The following INTS4 variants were observed in gnomAD, a reference collection of about 807,000 sequenced individuals.
INTS4 encodes the protein MSTP093.
Under a neutral mutation model 119.5 loss-of-function variants are expected in INTS4, and 70 were observed. The ratio of observed to expected loss-of-function variants is 0.59; its 90% CI spans 0.48 to 0.71. The LOEUF is 0.71. Ranked by LOEUF, INTS4 falls within the 30% of genes least tolerant of loss-of-function variation. The pLI is 0.00. For synonymous variants in INTS4, 316 were observed against 419.6 expected (o/e 0.75, Z 3.02); for missense variants, 867 against 1,173.2 (o/e 0.74, Z 3.81).
chr11:77,993,036 GTAGT>G (rs1485682687), intron 1 of INTS4, among the ~76,000 whole-genome samples: 1 of 152,206 alleles, frequency 6.6e-6, no homozygotes, highest in African/African-American at 2.4e-5. Context: ...TATCGAAGCT[GTAGT>G]TAGGTCAAAA....
At chr11:77,955,888 A>T (rs1231620025) in intron 8 of INTS4, 54 bp downstream of exon 8, 1 of 1,520,674 alleles carries the variant, frequency 6.6e-7, no homozygotes, top group African/African-American at 1.4e-5. Flanking sequence ...ATTTCTACAG[A>T]AAAGAAAATA....
chr11:77,878,340 C>T (rs922562875), downstream of INTS4, among the ~76,000 whole-genome samples: 42 of 150,190 alleles, frequency 2.8e-4, no homozygotes, highest in African/African-American at 4.4e-4. Flanking sequence ...CCAGCCTGAG[C>T]GACACAGCAA....
intron 15 of INTS4, among the ~76,000 whole-genome samples, chr11:77,911,521 TCCCCTG>T (rs1953088121): frequency 1.3e-5 from 2 of 152,176 alleles, no homozygotes; most frequent in Admixed American, 6.5e-5. Context: ...GTTACTTTAT[TCCCCTG>T]CCCCGGAATT....
intron 18 of INTS4, among the ~76,000 whole-genome samples, chr11:77,894,725 A>G (rs529787205): frequency 1.6e-4 from 24 of 152,240 alleles, no homozygotes; most frequent in Non-Finnish European, 3.2e-4. Flanking sequence ...CTCTATACCT[A>G]CCTGATTTAG....
intron 8 of INTS4, among the ~76,000 whole-genome samples, chr11:77,948,989 G>GT (rs1482299953): frequency 3.9e-5 from 6 of 152,056 alleles, no homozygotes; most frequent in South Asian, 2.1e-4. Flanking sequence ...CTGGTTTTTA[G>GT]TTTTTTTTAG....
At chr11:77,904,882 T>C (rs1459449128) in intron 16 of INTS4, among the ~76,000 whole-genome samples, 8 of 152,226 alleles carry the variant, frequency 5.3e-5, no homozygotes, top group Admixed American at 4.6e-4. Context: ...CATGTTATTG[T>C]CTTTATTTGG....
rs1289687109 is a variant in INTS4 at position 77,961,113 on chromosome 11, A to G, written c.497T>C (p.Val166Ala). 1.1e-5 allele frequency: 17 copies of G among 1,605,054 alleles called. No individual in the cohort carries two copies. Among genetic ancestry groups the G allele is most frequent in the Non-Finnish European group, 1.4e-5 (17 of 1,176,478 alleles). Reference protein sequence around the residue: ...CKHLTDTSHGVRNKCLQLLGN... With the variant: ...CKHLTDTSHGARNKCLQLLGN... ...AAGTAACTGCAGGCACTTATTTCTT[A>G]CACCATGAGACGTATCTGTCAGATG... The change falls in exon 5 of 23, where the codon GTA becomes GCA. Residue 166 changes from valine (V) to alanine (A), a missense_variant. Around this residue, in one of 5 missense-constraint regions of INTS4, gnomAD observed 224 missense variants for 231.8 expected, o/e 0.97. Coordinates refer to ENST00000534064, the MANE Select transcript of INTS4 (RefSeq NM_033547.4).
intron 10 of INTS4, among the ~76,000 whole-genome samples, chr11:77,929,491 C>T (rs1953593596): frequency 6.6e-6 from 1 of 152,144 alleles, no homozygotes; most frequent in Admixed American, 6.6e-5. Flanking sequence ...GACCACAGTA[C>T]TTTTTAAAAA....
chr11:77,909,134 AT>A (rs1380249551), intron 15 of INTS4, among the ~76,000 whole-genome samples: 2 of 152,266 alleles, frequency 1.3e-5, no homozygotes, highest in African/African-American at 4.8e-5. Flanking sequence ...CCTGATTGCC[AT>A]TAGCAGCATA....
Position 77,928,515 on chromosome 11 carries a change from T to C in INTS4, c.1198A>G (p.Met400Val), listed in dbSNP as rs562652655. The stretch of plus-strand genomic sequence containing the variant: ...AAAGAGGGTGAAGACTGGGCCAACA[T>C]GCAGAGGGCCTCCACAGCAGCAATA... ...VRIAAVEALC[M>V]LAQSSPSFAE... Residue 400 changes from methionine to valine, a missense_variant, in exon 11 of 23, where the codon ATG (methionine) becomes GTG (valine). Met to Val is a conservative substitution (Grantham distance 21). Transcript: ENST00000534064. The C allele has an allele frequency of 6.3e-6, 10 of 1,594,438 alleles. No individual in the cohort carries two copies. The highest frequency in any genetic ancestry group is 1.1e-5 in the South Asian group (1 of 88,570).
intron 8 of INTS4, among the ~76,000 whole-genome samples, chr11:77,944,329 G>A (rs1312513023): frequency 6.6e-6 from 1 of 152,000 alleles, no homozygotes; most frequent in Non-Finnish European, 1.5e-5. Context: ...CATTACCCCC[G>A]CAACTAGAAA....
intron 15 of INTS4, among the ~76,000 whole-genome samples, chr11:77,915,598 C>G (rs141972068): frequency 0.011 from 1,685 of 152,280 alleles, 19 homozygotes; most frequent in African/African-American, 0.039. Flanking sequence ...ACTAGAGTAT[C>G]AGACCACCCA....
chr11:77,966,656 T>TA (rs1445948939), intron 4 of INTS4, among the ~76,000 whole-genome samples: 1 of 152,224 alleles, frequency 6.6e-6, no homozygotes, highest in Non-Finnish European at 1.5e-5. Flanking sequence ...GTACTGTTTT[T>TA]ATGCCAGTAC....
chr11:77,901,814 A>C (rs1157841607), intron 17 of INTS4, among the ~76,000 whole-genome samples: 1 of 152,020 alleles, frequency 6.6e-6, no homozygotes, highest in East Asian at 1.9e-4. Context: ...ATCACTAAGC[A>C]AACTGCAAAG....
intron 14 of INTS4, among the ~76,000 whole-genome samples, chr11:77,920,206 C>CACAGATATATAT (rs1555026387): frequency 1.1e-5 from 1 of 88,958 alleles, no homozygotes; most frequent in Non-Finnish European, 2.5e-5. Flanking sequence ...CATATATATA[C>CACAGATATATAT]ACACATATAT....
chr11:77,968,755 C>T (rs947702837), intron 4 of INTS4, among the ~76,000 whole-genome samples: 6 of 152,042 alleles, frequency 3.9e-5, no homozygotes, highest in African/African-American at 9.7e-5. Context: ...GAACTGAAAA[C>T]ATGTATTAAG....
At chr11:77,883,007 C>A (rs983842235) in intron 22 of INTS4, among the ~76,000 whole-genome samples, 3 of 152,020 alleles carry the variant, frequency 2.0e-5, no homozygotes, top group African/African-American at 7.3e-5. Flanking sequence ...AGGAGGCAGA[C>A]AGAGGTTGCA....
chr11:77,993,389 A>G (rs1348585132), intron 1 of INTS4, among the ~76,000 whole-genome samples: 1 of 152,208 alleles, frequency 6.6e-6, no homozygotes, highest in Non-Finnish European at 1.5e-5. Context: ...GAAAGGGAAG[A>G]ATGGCATGTA....
Position 77,947,832 on chromosome 11 carries a change from A to G in INTS4, c.919-6581T>C, listed in dbSNP as rs1306845933. Among the ~76,000 whole-genome samples, 3 of 152,106 alleles carry G rather than the reference A, an allele frequency of 2.0e-5. 1 individual carries two copies. In the South Asian group the frequency reaches 6.2e-4, roughly 32 times the overall value. ...AGTTGCTATCAGCTTAAAACATTCT[A>G]TTGTAACTGCAAGACTTTTTTTTTC... is the stretch of plus-strand genomic sequence containing the variant. On this transcript the variant is annotated intron_variant, in intron 8 of 22. Coordinates refer to ENST00000534064, the MANE Select transcript of INTS4 (RefSeq NM_033547.4).
Sources: allele counts gnomAD v4.1 joint callset (sites outside exome capture counted in the v4.1 genomes callset), GRCh38; gene constraint gnomAD v4.1.1; regional missense constraint gnomAD v4.1.1; transcripts MANE v1.5; gene names NCBI Gene and HGNC (gene_info 2026-07-23, HGNC 2026-07-21).